The following LITAF variants were observed in gnomAD, a reference collection of about 807,000 sequenced individuals.
The protein encoded by LITAF is lipopolysaccharide induced TNF factor.
Under a neutral mutation model 14.5 loss-of-function variants are expected in LITAF, and 9 were observed. The observed-to-expected ratio is 0.62, with a 90% CI of 0.37 to 1.08. The LOEUF (loss-of-function observed/expected upper bound fraction) is 1.08. Among genes scored for constraint, LITAF ranks in the 50% least tolerant of loss-of-function variants. The pLI is 0.01. For synonymous variants in LITAF, 98 were observed against 88.2 expected (o/e 1.11, Z -0.62); for missense variants, 206 against 213.4 (o/e 0.97, Z 0.22).
chr16:11,584,623 TCA>T (rs909624843), intron 1 of LITAF, among the ~76,000 whole-genome samples: 6 of 152,156 alleles, frequency 3.9e-5, no homozygotes, highest in Non-Finnish European at 8.8e-5. Flanking sequence ...TGCTCAGGCC[TCA>T]GTTTTTCCAT....
intron 1 of LITAF, among the ~76,000 whole-genome samples, chr16:11,578,098 T>C (rs2064669743): frequency 1.3e-5 from 2 of 151,970 alleles, no homozygotes; most frequent in Non-Finnish European, 2.9e-5. Context: ...GGGGTCTCAA[T>C]ATGTTGCTCA....
intron 1 of LITAF, among the ~76,000 whole-genome samples, chr16:11,568,287 C>T (rs552516602): frequency 2.7e-4 from 38 of 139,804 alleles, no homozygotes; most frequent in East Asian, 8.2e-4. Flanking sequence ...GACCCTGTCT[C>T]GAAAAAAAAA....
chr16:11,589,120 T>TC (rs1214646014), upstream of LITAF, among the ~76,000 whole-genome samples: 1 of 152,024 alleles, frequency 6.6e-6, no homozygotes, highest in African/African-American at 2.4e-5. Context: ...TTTTCTTTGA[T>TC]CCCCAAAAAA....
At position 11,553,670 on chromosome 16, in the gene LITAF, G is replaced by A. The variant is rs149184234; in HGVS notation, c.240C>T (p.Tyr80=). 6.5e-5 allele frequency: 105 copies of A among 1,614,050 alleles called. No individual in the cohort carries two copies. The highest frequency in any genetic ancestry group is 1.6e-4 in the Middle Eastern group (1 of 6,084). ...CCAAAAAGGTGATGGGGTGCTGCAC[G>A]TAGACCGTCTGCACGGTAACTGATG... is the stretch of plus-strand genomic sequence containing the variant. ...NNNPITVQTV[Y]VQHPITFLDR... Residue 80 remains tyrosine, a synonymous_variant, in exon 3 of 4, where the codon TAC becomes TAT. Transcript: ENST00000622633. The surrounding 1 kb of genome is among the most constrained non-coding windows in gnomAD (Gnocchi z 7.7).
At chr16:11,569,123 C>T (rs1302513678) in intron 1 of LITAF, among the ~76,000 whole-genome samples, 2 of 152,196 alleles carry the variant, frequency 1.3e-5, no homozygotes, top group East Asian at 3.8e-4. Context: ...TGCCCTTGAG[C>T]AGCTGAACAG....
At chr16:11,587,339 T>TCGACCCCGGACCCGCGCTGGGG (rs2064819546), upstream of LITAF, 1 of 442,956 alleles carries the variant, frequency 2.3e-6, no homozygotes, top group Admixed American at 2.4e-5. Flanking sequence ...ACCACCAACC[T>TCGACCCCGGACCCGCGCTGGGG]CGACCCCGGA....
intron 3 of LITAF, among the ~76,000 whole-genome samples, chr16:11,609,720 GC>G (rs1213903333): frequency 6.6e-6 from 1 of 152,134 alleles, no homozygotes; most frequent in African/African-American, 2.4e-5. Context: ...AGAGATGCCT[GC>G]TGTTCAAGGG....
At chr16:11,621,522 T>C (rs2065051253) in intron 3 of LITAF, among the ~76,000 whole-genome samples, 2 of 152,216 alleles carry the variant, frequency 1.3e-5, no homozygotes, top group African/African-American at 2.4e-5. Flanking sequence ...GACTTTCTAC[T>C]TGAAGTTTTC....
rs182056610 is a variant in LITAF, at chr16:11,625,742, C to T, written c.85+7791G>A. Among the ~76,000 whole-genome samples the T allele has an allele frequency of 2.2e-3, 337 of 152,200 alleles. 1 individual carries two copies. Among genetic ancestry groups the T allele is most frequent in the African/African-American group, 7.7e-3 (321 of 41,512 alleles). On this transcript the variant is annotated intron_variant, in intron 3 of 3. Transcript: ENST00000574848. ...CCTTTTAATCTTTCATTTATTCATT[C>T]ATTTTACAGTCAGTGAGTCCCTGCT...
At chr16:11,578,190 C>T (rs942314424) in intron 1 of LITAF, among the ~76,000 whole-genome samples, 1 of 152,308 alleles carries the variant, frequency 6.6e-6, no homozygotes, top group South Asian at 2.1e-4. Context: ...TGAGCCATGG[C>T]ACCTCGTAGG....
At chr16:11,622,713 G>A (rs1285119358) in intron 3 of LITAF, among the ~76,000 whole-genome samples, 1 of 152,132 alleles carries the variant, frequency 6.6e-6, no homozygotes, top group Non-Finnish European at 1.5e-5. Context: ...GGTAGGTGGT[G>A]ATGTGAAATT....
At chr16:11,587,179 T>G, upstream of LITAF, 1 of 309,540 alleles carries the variant, frequency 3.2e-6, no homozygotes, top group East Asian at 9.5e-5. Context: ...GGACCTGGTG[T>G]CTCCCCCACT....
upstream of LITAF, chr16:11,587,391 C>G (rs2064820117): frequency 2.2e-6 from 1 of 454,004 alleles, no homozygotes; most frequent in East Asian, 6.9e-5. Flanking sequence ...GGCGGCCCTT[C>G]TCTTCCTGTA....
Position 11,632,016 on chromosome 16 carries a change from G to A in LITAF, c.85+1517C>T, listed in dbSNP as rs764074098. On this transcript the variant is annotated intron_variant, in intron 3 of 3. Coordinates refer to the LITAF transcript ENST00000574848. This position sits in a 1 kb window ranked among gnomAD's most constrained non-coding sequence, Gnocchi z 4.8. ...TGAGTAGCTGGGATTACAGGTGTGCGCCACCACGCCCGGCTAATTTTTTTG... is the reference window on the plus strand; with the variant it reads ...TGAGTAGCTGGGATTACAGGTGTGCACCACCACGCCCGGCTAATTTTTTTG... 2.0e-5 allele frequency among the ~76,000 whole-genome samples: 3 copies of A among 151,870 alleles called. No homozygotes were observed. Among genetic ancestry groups the A allele is most frequent in the Admixed American group, 6.6e-5 (1 of 15,236 alleles).
At chr16:11,613,256 T>C (rs979776527) in intron 3 of LITAF, among the ~76,000 whole-genome samples, 3 of 152,120 alleles carry the variant, frequency 2.0e-5, no homozygotes, top group African/African-American at 7.2e-5. Flanking sequence ...ACCAGGCTGG[T>C]CTCGAACGCC....
At chr16:11,587,373 C>G, upstream of LITAF, 1 of 453,658 alleles carries the variant, frequency 2.2e-6, no homozygotes, top group Non-Finnish European at 4.4e-6. Context: ...GCTCCCGGCC[C>G]TCTGGAGGGC....
chr16:11,592,772 A>G (rs747533641), intron 1 of LITAF, among the ~76,000 whole-genome samples: 4 of 152,192 alleles, frequency 2.6e-5, no homozygotes, highest in African/African-American at 4.8e-5. Context: ...ACGGTGGCTC[A>G]TGCCTGTAAT....
intron 1 of LITAF, among the ~76,000 whole-genome samples, chr16:11,594,888 AAAAAT>A (rs2064872869): frequency 1.1e-5 from 1 of 95,062 alleles, no homozygotes; most frequent in African/African-American, 5.4e-5. Flanking sequence ...AAAAATAAAA[AAAAAT>A]AAAATAAAGT....
At chr16:11,589,923 C>CAAAGTATGTGGTTCTGGCATAAGAATAA (rs2064838117), upstream of LITAF, among the ~76,000 whole-genome samples, 75 of 117,356 alleles carry the variant, frequency 6.4e-4, 9 homozygotes, top group East Asian at 1.2e-3. Context: ...CACACCCAGC[C>CAAAGTATGTGGTTCTGGCATAAGAATAA]AGTTGCATTT....
Sources: gnomAD v4.1 joint callset for allele counts (sites outside exome capture counted in the v4.1 genomes callset) on GRCh38, gnomAD v4.1.1 for gene constraint, Gnocchi (gnomAD v3.1) non-coding constraint, MANE v1.5 for transcripts, NCBI Gene and HGNC (gene_info 2026-07-23, HGNC 2026-07-21) for gene names.